Variants in KLHL29 observed in about 807,000 individuals in gnomAD.
KLHL29 encodes kelch like family member 29, also known as kelch-like protein 29.
KLHL29 carries 21 observed loss-of-function variants against 80.4 expected under a neutral mutation model. That is an observed-to-expected ratio of 0.26 (90% CI 0.19 to 0.38). KLHL29 has a LOEUF of 0.38. Among genes scored for constraint, KLHL29 ranks in the 10% least tolerant of loss-of-function variants. KLHL29 has a pLI of 1.00. For synonymous variants in KLHL29, 511 were observed against 526.8 expected, an observed-to-expected ratio of 0.97 and a Z score of 0.41; for missense variants, 867 against 1,223.9, an observed-to-expected ratio of 0.71 and a Z score of 4.35.
intron 3 of KLHL29, among the ~76,000 whole-genome samples, chr2:23,571,012 G>A (rs1422314144): frequency 1.3e-5 from 2 of 152,306 alleles, no homozygotes; most frequent in South Asian, 2.1e-4. Flanking sequence ...CCAGCCCTGC[G>A]CCATGGCTCT....
Position 23,696,077 on chromosome 2 carries a change from T to C in KLHL29, c.1868T>C (p.Phe623Ser), listed in dbSNP as rs1671936094. ...TGGTACCCCTTGGCCTCGCTGCCCT[T>C]CTATGACCGCGAGTTCTTCAGTGTA... ...NKWYPLASLPFYDREFFSVVS... is the reference protein window; with the variant it reads ...NKWYPLASLPSYDREFFSVVS... Residue 623 changes from phenylalanine (F) to serine (S), a missense_variant, in exon 10 of 14, where the codon TTC (phenylalanine) becomes TCC (serine). Transcript: ENST00000486442. This position sits in a 1 kb window ranked among gnomAD's most constrained non-coding sequence, Gnocchi z 5.5. 3 of 1,551,800 alleles carry C rather than the reference T, an allele frequency of 1.9e-6. No individual in the cohort carries two copies. The highest frequency in any genetic ancestry group is 2.6e-6 in the Non-Finnish European group (3 of 1,147,012).
chr2:23,417,760 G>A (rs1385902934), intron 1 of KLHL29, among the ~76,000 whole-genome samples: 1 of 152,032 alleles, frequency 6.6e-6, no homozygotes, highest in African/African-American at 2.4e-5. Context: ...GAGCTCTGCT[G>A]AAGTGCTTGC....
At chr2:23,637,057 G>C (rs945867070) in intron 3 of KLHL29, among the ~76,000 whole-genome samples, 1 of 152,080 alleles carries the variant, frequency 6.6e-6, no homozygotes, top group Non-Finnish European at 1.5e-5. Flanking sequence ...GTGGAGAGGG[G>C]CTGCAACACC....
At chr2:23,502,940 G>A (rs182885913) in intron 2 of KLHL29, among the ~76,000 whole-genome samples, 3 of 152,252 alleles carry the variant, frequency 2.0e-5, no homozygotes, top group African/African-American at 4.8e-5. Flanking sequence ...CAGGACTCAG[G>A]TCTGTTGGGG....
chr2:23,536,688 T>C (rs1666672972), intron 2 of KLHL29, among the ~76,000 whole-genome samples: 1 of 152,142 alleles, frequency 6.6e-6, no homozygotes, highest in African/African-American at 2.4e-5. Flanking sequence ...CGTGAAGGTT[T>C]GCTGCAGTCA....
chr2:23,525,704 G>A (rs902544251), intron 2 of KLHL29, among the ~76,000 whole-genome samples: 1 of 141,804 alleles, frequency 7.1e-6, no homozygotes. Context: ...GCTCCCCAGA[G>A]GCCGAGTGAG....
intron 3 of KLHL29, among the ~76,000 whole-genome samples, chr2:23,597,397 ATATATATATATTT>A (rs1558402812): frequency 1.2e-4 from 11 of 90,232 alleles, no homozygotes; most frequent in Non-Finnish European, 2.2e-4. Flanking sequence ...ATATATATAT[ATATATATATATTT>A]TTTTTTTTTT....
chr2:23,665,082 G>A (rs527963307), intron 5 of KLHL29, among the ~76,000 whole-genome samples: 9 of 152,372 alleles, frequency 5.9e-5, no homozygotes, highest in East Asian at 1.9e-4. Context: ...AGCTAGAGCC[G>A]CTGGTACTCA....
At chr2:23,694,537 C>T (rs1572515292) in intron 8 of KLHL29, among the ~76,000 whole-genome samples, 2 of 152,316 alleles carry the variant, frequency 1.3e-5, no homozygotes, top group South Asian at 4.2e-4. Flanking sequence ...GCCTCGTCGA[C>T]TCCACAGGGG....
chr2:23,684,325 A>C lies in KLHL29; in HGVS notation c.941-74A>C. On this transcript the variant is annotated intron_variant, in intron 5 of 13. Transcript: ENST00000486442. This position sits in a 1 kb window ranked among gnomAD's most constrained non-coding sequence, Gnocchi z 4.4. ...TTTCTCTACTTCTTGAAAAAAGAAA[A>C]AAAACTTTTTTTAATTAAAAAAAAA... is the stretch of plus-strand genomic sequence containing the variant. 2 of 1,183,948 alleles carry C rather than the reference A, an allele frequency of 1.7e-6. No homozygotes were observed. Among genetic ancestry groups the C allele is most frequent in the Non-Finnish European group, 2.2e-6 (2 of 903,834 alleles). The allele number at this position is 1,183,948 out of a possible 1,614,324, so 73.3% of individuals were successfully genotyped here.
intron 3 of KLHL29, among the ~76,000 whole-genome samples, chr2:23,569,951 A>G (rs1667677861): frequency 6.6e-6 from 1 of 152,214 alleles, no homozygotes; most frequent in African/African-American, 2.4e-5. Flanking sequence ...GTCTCTGCAG[A>G]GAGGAGCTGA....
intron 1 of KLHL29, among the ~76,000 whole-genome samples, chr2:23,472,541 G>A (rs1199478289): frequency 1.3e-5 from 2 of 152,218 alleles, no homozygotes; most frequent in African/African-American, 4.8e-5. Flanking sequence ...GACTGAGGCA[G>A]GAGAATTGCT....
intron 1 of KLHL29, among the ~76,000 whole-genome samples, chr2:23,417,074 C>T (rs1212328625): frequency 6.6e-6 from 1 of 152,168 alleles, no homozygotes; most frequent in African/African-American, 2.4e-5. Context: ...CTTCCTTCCA[C>T]CCCCAACATA....
intron 3 of KLHL29, among the ~76,000 whole-genome samples, chr2:23,582,446 G>T (rs1294726295): frequency 6.6e-6 from 1 of 152,198 alleles, no homozygotes; most frequent in Non-Finnish European, 1.5e-5. Flanking sequence ...GATGGGGATG[G>T]TGAGAAGATC....
At chr2:23,493,490 T>G (rs1665165036) in intron 2 of KLHL29, among the ~76,000 whole-genome samples, 1 of 152,226 alleles carries the variant, frequency 6.6e-6, no homozygotes, top group Non-Finnish European at 1.5e-5. Context: ...TTGTACGATC[T>G]TGTTTTCTCA....
At chr2:23,504,064 GGGA>G (rs1005459553) in intron 2 of KLHL29, among the ~76,000 whole-genome samples, 4 of 152,154 alleles carry the variant, frequency 2.6e-5, no homozygotes, top group Admixed American at 1.3e-4. Flanking sequence ...CTGGGAGCTC[GGGA>G]GGAGGCAGTG....
chr2:23,586,362 C>CTTTTTTTT (rs778067234), intron 3 of KLHL29, among the ~76,000 whole-genome samples: 7 of 96,990 alleles, frequency 7.2e-5, no homozygotes, highest in East Asian at 6.0e-4. Context: ...AAAAGCATTA[C>CTTTTTTTT]TTTTTTTTTT....
At chr2:23,394,563 C>T (rs1428438277) in intron 1 of KLHL29, among the ~76,000 whole-genome samples, 1 of 152,216 alleles carries the variant, frequency 6.6e-6, no homozygotes, top group Non-Finnish European at 1.5e-5. Context: ...GGATCCTGTC[C>T]TCCAGACACC....
intron 5 of KLHL29, among the ~76,000 whole-genome samples, chr2:23,663,620 C>T (rs1487737584): frequency 1.3e-5 from 2 of 152,308 alleles, no homozygotes; most frequent in East Asian, 3.9e-4. Flanking sequence ...TTTTGATTTC[C>T]GGAGTGATAT....
Sources: gnomAD v4.1 joint callset for allele counts (sites outside exome capture counted in the v4.1 genomes callset) on GRCh38, gnomAD v4.1.1 for gene constraint, Gnocchi (gnomAD v3.1) non-coding constraint, MANE v1.5 for transcripts, NCBI Gene and HGNC (gene_info 2026-07-23, HGNC 2026-07-21) for gene names.